Variants in SPOCD1 observed in about 807,000 individuals in gnomAD.
SPOCD1 encodes the protein SPOC domain-containing protein 1.
Under a neutral mutation model 92.2 loss-of-function variants are expected in SPOCD1, and 64 were observed. That is an observed-to-expected ratio of 0.69 (90% CI 0.57 to 0.86). SPOCD1 has a LOEUF of 0.86. SPOCD1 is among the 40% of genes least tolerant of loss of function. The pLI is 0.00. For synonymous variants in SPOCD1, 578 were observed against 619.3 expected (o/e 0.93, Z 0.99); for missense variants, 1,360 against 1,543.1 (o/e 0.88, Z 1.99).
intron 11 of SPOCD1, 41 bp downstream of exon 11, chr1:31,794,083 C>G (rs755422406): frequency 6.3e-7 from 1 of 1,594,132 alleles, no homozygotes; most frequent in Non-Finnish European, 8.6e-7. Context: ...TCAGCCCCAG[C>G]CTGGCTGCCA....
At chr1:31,800,172 C>G (rs767252015) in intron 4 of SPOCD1, 31 bp from the exon 5 acceptor site, 1 of 1,561,832 alleles carries the variant, frequency 6.4e-7, no homozygotes, top group Non-Finnish European at 8.7e-7. Context: ...AGCTATTGGC[C>G]GGAAATGGAG....
Position 31,798,831 on chromosome 1 carries a change from C to T in SPOCD1, c.1869-230G>A. On this transcript the variant is annotated intron_variant, in intron 7 of 15. Transcript: ENST00000360482. The surrounding 1 kb of genome is among the most constrained non-coding windows in gnomAD (Gnocchi z 4.1). ...GGGCTCAGGGAAAATAAGAGGCTTACTCACAACTGTGTAATTAGTGGCAAA... is the reference window on the plus strand; with the variant it reads ...GGGCTCAGGGAAAATAAGAGGCTTATTCACAACTGTGTAATTAGTGGCAAA... 1 of 595,262 alleles carries T rather than the reference C, an allele frequency of 1.7e-6. No individual in the cohort carries two copies. The highest frequency in any genetic ancestry group is 2.1e-5 in the South Asian group (1 of 48,678). 36.9% of individuals were successfully genotyped at this position (595,262 alleles called of 1,614,324 possible). A position where few individuals can be genotyped will look rare whatever the true frequency, so the allele number is the denominator to read the frequency against.
Position 31,798,878 on chromosome 1 carries a change from GTC to G in SPOCD1, c.1869-279_1869-278del. On this transcript the variant is annotated intron_variant, in intron 7 of 15. Coordinates refer to ENST00000360482, the MANE Select transcript of SPOCD1 (RefSeq NM_144569.7). The surrounding 1 kb of genome is among the most constrained non-coding windows in gnomAD (Gnocchi z 4.1). ...CAAAAGCAAGATTTGAAACTCGACTGTCTGACTCACCAGCCTGTGCCCCGTCT... is the reference window on the plus strand; with the variant it reads ...CAAAAGCAAGATTTGAAACTCGACTGTGACTCACCAGCCTGTGCCCCGTCT... The G allele has an allele frequency of 1.7e-6, 1 of 573,324 alleles. No homozygotes were observed. 35.5% of individuals were successfully genotyped at this position (573,324 alleles called of 1,614,324 possible).
chr1:31,792,430 A>G, intron 14 of SPOCD1, 29 bp from the exon 15 acceptor site: 1 of 1,606,614 alleles, frequency 6.2e-7, no homozygotes, highest in South Asian at 1.1e-5. Flanking sequence ...AGCAGCTGTA[A>G]GCGCAGTCAT....
chr1:31,800,692 G>C, intron 3 of SPOCD1, 75 bp from the exon 4 acceptor site: 2 of 1,309,658 alleles, frequency 1.5e-6, no homozygotes, highest in Admixed American at 2.5e-5. Flanking sequence ...CGCCTCATCT[G>C]TAATTGTTGA....
intron 2 of SPOCD1, among the ~76,000 whole-genome samples, chr1:31,803,010 AAAAC>A (rs1648565524): frequency 1.2e-5 from 1 of 83,310 alleles, no homozygotes; most frequent in Non-Finnish European, 2.7e-5. Context: ...AGAAAAAAAA[AAAAC>A]AAAGAAAACA....
At chr1:31,800,359 T>A in intron 4 of SPOCD1, 82 bp downstream of exon 4, 1 of 1,454,114 alleles carries the variant, frequency 6.9e-7, no homozygotes, top group East Asian at 2.5e-5. Flanking sequence ...GCACCCTCTC[T>A]CTGAGCCTCA....
At chr1:31,809,293 C>G (rs1649040949) in intron 2 of SPOCD1, among the ~76,000 whole-genome samples, 1 of 152,102 alleles carries the variant, frequency 6.6e-6, no homozygotes, top group African/African-American at 2.4e-5. Context: ...AGCAAAAAAC[C>G]TAAGTCTGCT....
intron 2 of SPOCD1, among the ~76,000 whole-genome samples, chr1:31,809,168 A>G (rs576405285): frequency 1.6e-4 from 25 of 152,272 alleles, no homozygotes; most frequent in African/African-American, 5.1e-4. Flanking sequence ...CAGCCAAAAA[A>G]CTTTTTAAAG....
rs1214209556 is a variant in SPOCD1, at chr1:31,798,530, G to A, written c.1940C>T (p.Ala647Val). The change falls in exon 8 of 16, where the codon GCC (alanine) becomes GTC (valine). Residue 647 changes from alanine to valine, a missense_variant. Ala to Val is a moderately conservative substitution (Grantham distance 64). This residue lies in a region of SPOCD1 where 614 missense variants were observed against 757.8 expected (regional missense o/e 0.81). Coordinates refer to ENST00000360482, the MANE Select transcript of SPOCD1 (RefSeq NM_144569.7). This position sits in a 1 kb window ranked among gnomAD's most constrained non-coding sequence, Gnocchi z 4.1. ...GGTGCCTTGTGTCAGGTCCCAGAGGGCTGCCTCAATGCCAGCAGCAATGCC... is the reference window on the plus strand; with the variant it reads ...GGTGCCTTGTGTCAGGTCCCAGAGGACTGCCTCAATGCCAGCAGCAATGCC... ...VEGIAAGIEA[A>V]LWDLTQGTNG... 6 of 1,613,796 alleles carry A rather than the reference G, an allele frequency of 3.7e-6. No individual in the cohort carries two copies. The highest frequency in any genetic ancestry group is 5.1e-6 in the Non-Finnish European group (6 of 1,180,042).
chr1:31,798,610 G>T lies in SPOCD1; in HGVS notation c.1869-9C>A. On this transcript the variant is annotated splice_polypyrimidine_tract_variant and intron_variant, in intron 7 of 15. Transcript: ENST00000360482. The surrounding 1 kb of genome is among the most constrained non-coding windows in gnomAD (Gnocchi z 4.1). ...CTGGGAGCTCCCGAAGGCTGTGGAG[G>T]CCAGGGCAGGGCGGGGGCACTGAGC... The T allele has an allele frequency of 3.1e-6, 5 of 1,611,194 alleles. No homozygotes were observed. Among genetic ancestry groups the T allele is most frequent in the Non-Finnish European group, 4.2e-6 (5 of 1,179,192 alleles).
In SPOCD1 at chr1:31,814,870, C is replaced by A. The variant is rs765554115; in HGVS notation, c.464G>T (p.Gly155Val). The change falls in exon 2 of 16, where the codon GGA becomes GTA. Residue 155 changes from glycine to valine, a missense_variant. Gly to Val is a moderately radical substitution (Grantham distance 109). Coordinates refer to ENST00000360482, the MANE Select transcript of SPOCD1 (RefSeq NM_144569.7). The surrounding 1 kb of genome is among the most constrained non-coding windows in gnomAD (Gnocchi z 4.2). ...CCTGAGGCAGCTCACCTCCTCCACT[C>A]CTGCAAGCCTCTCCCTGCAGGCCAG... ...RALACRERLA[G>V]VEEVSCLRPR... The A allele has an allele frequency of 6.2e-7, 1 of 1,613,582 alleles. No homozygotes were observed. Among genetic ancestry groups the A allele is most frequent in the Non-Finnish European group, 8.5e-7 (1 of 1,179,960 alleles).
Position 31,798,540 on chromosome 1 carries a change from T to G in SPOCD1, c.1930A>C (p.Ile644Leu), listed in dbSNP as rs1273386818. ...GTCAGGTCCCAGAGGGCTGCCTCAA[T>G]GCCAGCAGCAATGCCCTCCACCACC... Reference protein sequence around the residue: ...EEVVEGIAAGIEAALWDLTQG... With the variant: ...EEVVEGIAAGLEAALWDLTQG... Residue 644 changes from isoleucine (I) to leucine (L), a missense_variant, in exon 8 of 16, where the codon ATT becomes CTT. Ile to Leu is a conservative substitution (Grantham distance 5). Transcript: ENST00000360482. This position sits in a 1 kb window ranked among gnomAD's most constrained non-coding sequence, Gnocchi z 4.1. 1 of 1,613,874 alleles carries G rather than the reference T, an allele frequency of 6.2e-7. No homozygotes were observed.
In SPOCD1 at chr1:31,814,346, G is replaced by A. The variant is rs758528896; in HGVS notation, c.988C>T (p.Leu330=). 7 of 1,584,412 alleles carry A rather than the reference G, an allele frequency of 4.4e-6. No individual in the cohort carries two copies. Among genetic ancestry groups the A allele is most frequent in the African/African-American group, 1.3e-5 (1 of 74,200 alleles). Residue 330 remains leucine (L), a synonymous_variant, in exon 2 of 16, where the codon CTG becomes TTG. Transcript: ENST00000360482. This position sits in a 1 kb window ranked among gnomAD's most constrained non-coding sequence, Gnocchi z 4.2. The stretch of plus-strand genomic sequence containing the variant: ...GCAGAGGCCTGTGCTGACGCCCCCA[G>A]GCACAGTGCTGCGCTCTGTGGAGGA... The part of the protein sequence containing the change: ...QAPPQSAALC[L]GASAQASAEQ...
At chr1:31,811,486 AG>A (rs1215317971) in intron 2 of SPOCD1, among the ~76,000 whole-genome samples, 3 of 152,036 alleles carry the variant, frequency 2.0e-5, no homozygotes, top group Non-Finnish European at 4.4e-5. Flanking sequence ...AAAAAAAAAA[AG>A]TCTTCTTGCC....
In SPOCD1 at chr1:31,793,790, T is replaced by A; in HGVS notation, c.2491A>T (p.Met831Leu). 6.2e-7 allele frequency: 1 copy of A among 1,614,208 alleles called. No homozygotes were observed. The highest frequency in any genetic ancestry group is 1.1e-5 in the South Asian group (1 of 91,086). Residue 831 changes from methionine to leucine, a missense_variant, in exon 12 of 16, where the codon ATG becomes TTG. Met to Leu is a conservative substitution (Grantham distance 15). Around this residue, in one of 3 missense-constraint regions of SPOCD1, gnomAD observed 614 missense variants for 757.8 expected, o/e 0.81. Transcript: ENST00000360482. ...GGAGACAACTCCCTGGTTTTGGGCA[T>A]CTCTGGAGCAGGCATAGGAGTTTGG... ...LSQTPMPAPE[M>L]PKTRELSPTE...
At chr1:31,792,146 T>C (rs757339781) in intron 15 of SPOCD1, 69 bp downstream of exon 15, 3 of 1,509,120 alleles carry the variant, frequency 2.0e-6, no homozygotes, top group Admixed American at 4.1e-5. Flanking sequence ...TGGGTGACTG[T>C]GTCAACCGTG....
At position 31,796,572 on chromosome 1, in the gene SPOCD1, G is replaced by A. The variant is rs779619032; in HGVS notation, c.2271+18C>T. The A allele has an allele frequency of 1.9e-6, 3 of 1,614,238 alleles. No homozygotes were observed. In the South Asian group the frequency reaches 3.3e-5, roughly 18 times the overall value. ...AGGCATGGGCTCTGCCCAGCACCAG[G>A]TCAGGCTCCAACTTAACCACCAGAT... On this transcript the variant is annotated intron_variant, in intron 10 of 15. Coordinates refer to ENST00000360482, the MANE Select transcript of SPOCD1 (RefSeq NM_144569.7).
chr1:31,800,671 T>C, intron 3 of SPOCD1, 54 bp from the exon 4 acceptor site: 1 of 1,457,242 alleles, frequency 6.9e-7, no homozygotes, highest in Non-Finnish European at 9.3e-7. Context: ...TGTCCCCGCC[T>C]TCAGAGTGCT....
Sources: gnomAD v4.1 joint callset for allele counts (sites outside exome capture counted in the v4.1 genomes callset) on GRCh38, gnomAD v4.1.1 for gene constraint, gnomAD v4.1.1 regional missense constraint, Gnocchi (gnomAD v3.1) non-coding constraint, MANE v1.5 for transcripts, NCBI Gene and HGNC (gene_info 2026-07-23, HGNC 2026-07-21) for gene names.